HMCN1: variants seen among roughly 807,000 people sequenced by gnomAD.
HMCN1 encodes hemicentin 1.
HMCN1 carries 321 observed loss-of-function variants against 625.9 expected under a neutral mutation model. The ratio of observed to expected loss-of-function variants is 0.51; its 90% confidence interval spans 0.47 to 0.56. The LOEUF (loss-of-function observed/expected upper bound fraction) is 0.56. Ranked by LOEUF, HMCN1 falls within the 20% of genes least tolerant of loss-of-function variation. The probability of loss-of-function intolerance (pLI) is 0.00; values close to 1 mark genes in which losing one functional copy is unlikely to be tolerated. For missense variants in HMCN1, 6,588 were observed against 6,887.3 expected (o/e 0.96, Z 1.54); for synonymous variants, 2,425 against 2,417.6 (o/e 1.00, Z -0.09).
Position 186,187,939 on chromosome 1 carries a change from A to T in HMCN1, c.16471A>T (p.Asn5491Tyr), listed in dbSNP as rs1189241001. 1 of 1,613,718 alleles carries T rather than the reference A, an allele frequency of 6.2e-7. No homozygotes were observed. Among genetic ancestry groups the T allele is most frequent in the Non-Finnish European group, 8.5e-7 (1 of 1,179,700 alleles). The stretch of plus-strand genomic sequence containing the variant: ...CTGTGGACCCAATCGCATGTGCTTC[A>T]ACATGAGAGGAAGCTACCAGTGCAT... ...VHCGPNRMCFNMRGSYQCIDT... is the reference protein window; with the variant it reads ...VHCGPNRMCFYMRGSYQCIDT... The change falls in exon 106 of 107, where the codon AAC (asparagine) becomes TAC (tyrosine). Residue 5491 changes from asparagine to tyrosine, a missense_variant. Coordinates refer to ENST00000271588, the MANE Select transcript of HMCN1 (RefSeq NM_031935.3).
At chr1:186,153,721 G>C in intron 96 of HMCN1, 29 bp from the exon 97 acceptor site, 1 of 1,585,250 alleles carries the variant, frequency 6.3e-7, no homozygotes, top group Non-Finnish European at 8.7e-7. Flanking sequence ...GAGCCATATT[G>C]ATCTTCAAAT....
At chr1:185,847,785 C>G (rs917116084) in intron 2 of HMCN1, among the ~76,000 whole-genome samples, 1 of 151,704 alleles carries the variant, frequency 6.6e-6, no homozygotes, top group Non-Finnish European at 1.5e-5. Flanking sequence ...GACCCTGTCT[C>G]TAAAAGAGAA....
chr1:186,186,810 A>G (rs994858538), intron 105 of HMCN1, among the ~76,000 whole-genome samples: 1 of 152,212 alleles, frequency 6.6e-6, no homozygotes, highest in Non-Finnish European at 1.5e-5. Flanking sequence ...GCCTGCATTC[A>G]TACTGCTAGA....
intron 36 of HMCN1, among the ~76,000 whole-genome samples, chr1:186,035,294 T>C (rs1329048370): frequency 1.3e-5 from 2 of 152,144 alleles, no homozygotes; most frequent in Non-Finnish European, 2.9e-5. Flanking sequence ...GGTTCTGGGG[T>C]GAGTCTTTAG....
At chr1:185,745,525 G>T (rs1263758453) in intron 1 of HMCN1, among the ~76,000 whole-genome samples, 2 of 150,914 alleles carry the variant, frequency 1.3e-5, no homozygotes, top group East Asian at 3.9e-4. Context: ...AGTCAGACTG[G>T]CACATAATCA....
intron 55 of HMCN1, among the ~76,000 whole-genome samples, chr1:186,079,045 C>T (rs947169793): frequency 4.6e-5 from 7 of 152,182 alleles, no homozygotes; most frequent in East Asian, 1.9e-4. Flanking sequence ...TTCACAGCTA[C>T]GCCATATGTC....
intron 46 of HMCN1, among the ~76,000 whole-genome samples, chr1:186,061,134 T>C (rs138703727): frequency 8.6e-4 from 131 of 152,192 alleles, no homozygotes; most frequent in African/African-American, 3.1e-3. Context: ...CCACTCACAA[T>C]AGCATCTGTA....
Position 186,001,842 on chromosome 1 carries a change from A to G in HMCN1, c.4348+101A>G. The G allele has an allele frequency of 2.1e-6, 2 of 963,362 alleles. 1 individual carries two copies. Among genetic ancestry groups the G allele is most frequent in the African/African-American group, 3.3e-5 (2 of 60,492 alleles). 59.7% of individuals were successfully genotyped at this position (963,362 alleles called of 1,614,324 possible). On this transcript the variant is annotated intron_variant, in intron 28 of 106. Coordinates refer to ENST00000271588, the MANE Select transcript of HMCN1 (RefSeq NM_031935.3). ...AGTAAAGAGAAAAAGATAAATTGAC[A>G]GAAAAACTATAGTTTCATTCTATTA...
chr1:185,865,396 A>G (rs1168795719), intron 3 of HMCN1, among the ~76,000 whole-genome samples: 1 of 152,174 alleles, frequency 6.6e-6, no homozygotes, highest in Non-Finnish European at 1.5e-5. Flanking sequence ...TATAAGAAGA[A>G]CTCAGAATCT....
At position 186,015,164 on chromosome 1, in the gene HMCN1, C is replaced by G; in HGVS notation, c.4636C>G (p.Pro1546Ala). 1 of 1,612,660 alleles carries G rather than the reference C, an allele frequency of 6.2e-7. No homozygotes were observed. The highest frequency in any genetic ancestry group is 8.5e-7 in the Non-Finnish European group (1 of 1,179,018). The change falls in exon 31 of 107, where the codon CCT becomes GCT. Residue 1546 changes from proline to alanine, a missense_variant. Around this residue, in one of 3 missense-constraint regions of HMCN1, gnomAD observed 4,628 missense variants for 4,853.1 expected, o/e 0.95. Transcript: ENST00000271588. ...TGTTCTGAAATCCTTTGTAGTTCCA[C>G]CTAGTATTAAAGGAGGAAATGTCAC... ...KDIKLTIYIP[P>A]SIKGGNVTTD...
At chr1:186,173,564 C>T (rs1018339261) in intron 102 of HMCN1, among the ~76,000 whole-genome samples, 1 of 146,228 alleles carries the variant, frequency 6.8e-6, no homozygotes, top group Admixed American at 7.1e-5. Flanking sequence ...TCGTTTGAAC[C>T]CAGCAGGCAG....
chr1:185,855,012 G>A (rs1328617618), intron 2 of HMCN1, among the ~76,000 whole-genome samples: 1 of 152,180 alleles, frequency 6.6e-6, no homozygotes, highest in African/African-American at 2.4e-5. Context: ...TGGCTAGGTA[G>A]AGTCTTGACT....
chr1:186,071,528 T>C (rs1658481615), intron 52 of HMCN1, among the ~76,000 whole-genome samples: 2 of 152,202 alleles, frequency 1.3e-5, no homozygotes, highest in African/African-American at 4.8e-5. Flanking sequence ...AATACAGATG[T>C]GAAACGGCTA....
chr1:186,078,120 G>A lies in HMCN1; in HGVS notation c.8499G>A (p.Leu2833=). 1 of 1,613,092 alleles carries A rather than the reference G, an allele frequency of 6.2e-7. No homozygotes were observed. Among genetic ancestry groups the A allele is most frequent in the African/African-American group, 1.3e-5 (1 of 75,004 alleles). The change falls in exon 55 of 107, where the codon TTG becomes TTA. Residue 2833 remains leucine (L), a synonymous_variant. Transcript: ENST00000271588. ...KVLILPGGRV[L]QIPRAKVEDA... is the part of the protein sequence containing the mutation. ...TATTATTTTCAGGAGGGCGAGTGTT[G>A]CAGATTCCTCGGGCTAAAGTAGAAG...
intron 1 of HMCN1, among the ~76,000 whole-genome samples, chr1:185,773,410 G>A (rs1656382828): frequency 6.6e-6 from 1 of 152,100 alleles, no homozygotes; most frequent in Non-Finnish European, 1.5e-5. Context: ...AATTTCACAG[G>A]ACTTTTGTAA....
At position 185,989,619 on chromosome 1, in the gene HMCN1, C is replaced by G; in HGVS notation, c.3180C>G (p.Ala1060=). 1 of 1,613,920 alleles carries G rather than the reference C, an allele frequency of 6.2e-7. No individual in the cohort carries two copies. Among genetic ancestry groups the G allele is most frequent in the South Asian group, 1.1e-5 (1 of 91,076 alleles). The change falls in exon 21 of 107, where the codon GCC becomes GCG. Residue 1060 remains alanine (A), a synonymous_variant. Transcript: ENST00000271588. ...VCTATNTAGY[A]KRKVQLTVYV... ...CTGCCACCAATACAGCCGGCTACGC[C>G]AAAAGGAAAGTGCAGCTAACAGTCT...
intron 44 of HMCN1, 109 bp downstream of exon 44, chr1:186,054,095 T>C (rs1483592719): frequency 3.8e-6 from 4 of 1,052,140 alleles, no homozygotes; most frequent in Non-Finnish European, 5.7e-6. Context: ...GGTATGGTTG[T>C]AACTATCATA....
At position 185,977,847 on chromosome 1, in the gene HMCN1, C is replaced by T. The variant is rs776542137; in HGVS notation, c.2432C>T (p.Thr811Ile). The change falls in exon 16 of 107, where the codon ACA becomes ATA. Residue 811 changes from threonine to isoleucine, a missense_variant. Thr to Ile is a moderately conservative substitution (Grantham distance 89). Transcript: ENST00000271588. ...DVSMEIGSNV[T>I]LPCYVQGYPE... is the part of the protein sequence containing the mutation. ...TCTATGGAAATTGGCTCAAATGTGACATTACCTTGTTATGTTCAGGGTTAT... is the reference window on the plus strand; with the variant it reads ...TCTATGGAAATTGGCTCAAATGTGATATTACCTTGTTATGTTCAGGGTTAT... 5.0e-6 allele frequency: 8 copies of T among 1,613,142 alleles called. No homozygotes were observed. Among genetic ancestry groups the T allele is most frequent in the South Asian group, 2.2e-5 (2 of 91,054 alleles).
Position 185,779,502 on chromosome 1 carries a change from C to T in HMCN1, c.268+44455C>T, listed in dbSNP as rs568049293. Among the ~76,000 whole-genome samples the T allele has an allele frequency of 7.9e-3, 1,197 of 152,290 alleles. 11 individuals are homozygous for T. Among genetic ancestry groups the T allele is most frequent in the African/African-American group, 0.028 (1,154 of 41,546 alleles). On this transcript the variant is annotated intron_variant, in intron 1 of 106. Coordinates refer to ENST00000271588, the MANE Select transcript of HMCN1 (RefSeq NM_031935.3). ...TAGGTCTAACATTTAAGTCTTTAATCCATCTTGAATTAATTTTTGTATAAG... is the reference window on the plus strand; with the variant it reads ...TAGGTCTAACATTTAAGTCTTTAATTCATCTTGAATTAATTTTTGTATAAG...
Sources: allele counts gnomAD v4.1 joint callset (sites outside exome capture counted in the v4.1 genomes callset), GRCh38; gene constraint gnomAD v4.1.1; regional missense constraint gnomAD v4.1.1; transcripts MANE v1.5; gene names NCBI Gene and HGNC (gene_info 2026-07-23, HGNC 2026-07-21).